Variants in XKR9 observed in about 807,000 individuals in gnomAD.
XKR9 encodes the protein XK-related protein 9.
XKR9 carries 32 observed loss-of-function variants against 32.0 expected under a neutral mutation model. That is an observed-to-expected ratio of 1.00 (90% CI 0.76 to 1.34). The LOEUF is 1.34. Among genes scored for constraint, XKR9 ranks in the 40% most tolerant of loss-of-function variants. XKR9 has a pLI of 0.00. For missense variants in XKR9, 546 were observed against 429.7 expected, an observed-to-expected ratio of 1.27 and a Z score of -2.39; for synonymous variants, 168 against 143.4, an observed-to-expected ratio of 1.17 and a Z score of -1.22.
In XKR9 at chr8:70,669,553, C is replaced by A. The variant is rs985499815; in HGVS notation, c.-361+15C>A. On this transcript the variant is annotated intron_variant, in intron 1 of 4. Coordinates refer to ENST00000408926, the MANE Select transcript of XKR9 (RefSeq NM_001011720.2). ...TTGGGAGACAGGTTTGGTAACCGTT[C>A]GTTATTCAGTAATAAATGTCAGGAA... 1 of 192,554 alleles carries A rather than the reference C, an allele frequency of 5.2e-6. No individual in the cohort carries two copies. The highest frequency in any genetic ancestry group is 1.1e-5 in the Non-Finnish European group (1 of 94,500). 11.9% of individuals were successfully genotyped at this position (192,554 alleles called of 1,614,324 possible).
chr8:70,978,076 C>T, the XKR9 span, among the ~76,000 whole-genome samples: 3 of 151,958 alleles, frequency 2.0e-5, no homozygotes, highest in South Asian at 4.2e-4. Flanking sequence ...TTTTTGCTTT[C>T]CATTTGCTTG....
chr8:70,852,136 T>C, the XKR9 span, among the ~76,000 whole-genome samples: 4 of 152,178 alleles, frequency 2.6e-5, no homozygotes, highest in South Asian at 2.1e-4. Flanking sequence ...TATGAACAGA[T>C]ACTTTTCAAA....
chr8:70,972,281 A>G, the XKR9 span, among the ~76,000 whole-genome samples: 1 of 152,122 alleles, frequency 6.6e-6, no homozygotes, highest in Non-Finnish European at 1.5e-5. Context: ...CTGTTGGTGT[A>G]TAGCAGAGCT....
At chr8:70,925,772 T>C in the XKR9 span, among the ~76,000 whole-genome samples, 1 of 152,148 alleles carries the variant, frequency 6.6e-6, no homozygotes, top group East Asian at 1.9e-4. Context: ...CCAGAAGAGG[T>C]ATTTGTGATA....
At chr8:70,697,667 C>A (rs1319309050) in intron 3 of XKR9, among the ~76,000 whole-genome samples, 16,920 of 145,638 alleles carry the variant, frequency 0.12, 1,389 homozygotes, top group African/African-American at 0.23. Flanking sequence ...TGTCTCTGCC[C>A]GGCTTTGGTA....
At chr8:70,788,057 T>C (rs1441160144) in intron 2 of XKR9, among the ~76,000 whole-genome samples, 1 of 152,114 alleles carries the variant, frequency 6.6e-6, no homozygotes, top group Non-Finnish European at 1.5e-5. Flanking sequence ...CAATGATAAA[T>C]AACTTAATTA....
At chr8:70,761,635 A>G (rs1473067404) in intron 2 of XKR9, among the ~76,000 whole-genome samples, 1 of 151,598 alleles carries the variant, frequency 6.6e-6, no homozygotes, top group Non-Finnish European at 1.5e-5. Context: ...ATTTTCTTTC[A>G]TTCTGTAAGC....
intron 2 of XKR9, among the ~76,000 whole-genome samples, chr8:70,742,934 A>G (rs1318336882): frequency 6.6e-6 from 1 of 151,822 alleles, no homozygotes; most frequent in Non-Finnish European, 1.5e-5. Flanking sequence ...GGATTCTCCA[A>G]GTTTCTTGAA....
chr8:70,756,601 G>A (rs921795861), intron 2 of XKR9, among the ~76,000 whole-genome samples: 2 of 152,104 alleles, frequency 1.3e-5, no homozygotes, highest in Non-Finnish European at 2.9e-5. Context: ...ATTACTAAGT[G>A]TTATATCCTT....
chr8:70,783,627 G>T (rs913426226), intron 2 of XKR9, among the ~76,000 whole-genome samples: 2 of 152,078 alleles, frequency 1.3e-5, no homozygotes, highest in Non-Finnish European at 2.9e-5. Context: ...TGGATATATG[G>T]ATTGCAAATA....
chr8:70,906,082 C>T, the XKR9 span, among the ~76,000 whole-genome samples: 40 of 152,308 alleles, frequency 2.6e-4, no homozygotes, highest in Admixed American at 7.8e-4. Flanking sequence ...GGTCAGGGAC[C>T]CACTTGAGAA....
the XKR9 span, among the ~76,000 whole-genome samples, chr8:70,849,467 T>A: frequency 1.3e-5 from 2 of 152,232 alleles, no homozygotes; most frequent in Non-Finnish European, 2.9e-5. Context: ...GCTATCGCAG[T>A]GTTTAGAGTG....
the XKR9 span, among the ~76,000 whole-genome samples, chr8:70,839,673 TTA>T: frequency 2.6e-5 from 4 of 152,122 alleles, no homozygotes; most frequent in Admixed American, 6.6e-5. Context: ...GAAGAGAATT[TTA>T]TGTTTGTCTA....
chr8:70,852,324 C>T, the XKR9 span, among the ~76,000 whole-genome samples: 2 of 152,182 alleles, frequency 1.3e-5, no homozygotes, highest in Admixed American at 6.5e-5. Flanking sequence ...TGCTTTCACA[C>T]TGTTGGTAGG....
chr8:70,881,257 A>G, the XKR9 span, among the ~76,000 whole-genome samples: 2 of 152,226 alleles, frequency 1.3e-5, no homozygotes, highest in Non-Finnish European at 2.9e-5. Context: ...ACAAAAGCCA[A>G]AATAGACAAA....
the XKR9 span, among the ~76,000 whole-genome samples, chr8:70,904,386 CTT>C: frequency 6.6e-6 from 1 of 152,236 alleles, no homozygotes; most frequent in African/African-American, 2.4e-5. Context: ...TTCTTTGTCT[CTT>C]TTGATCTTTG....
At chr8:70,834,570 T>C in the XKR9 span, among the ~76,000 whole-genome samples, 2 of 152,174 alleles carry the variant, frequency 1.3e-5, no homozygotes, top group Non-Finnish European at 2.9e-5. Flanking sequence ...TATTCAAAAA[T>C]ATATCTTATT....
At chr8:70,774,532 A>G (rs1017145967) in intron 2 of XKR9, among the ~76,000 whole-genome samples, 7 of 152,214 alleles carry the variant, frequency 4.6e-5, no homozygotes, top group African/African-American at 1.7e-4. Flanking sequence ...TGGAAGCTCT[A>G]TATATTCAAC....
chr8:70,983,789 A>G, the XKR9 span, among the ~76,000 whole-genome samples: 26 of 122,066 alleles, frequency 2.1e-4, no homozygotes, highest in Admixed American at 2.1e-3. Flanking sequence ...CTCAAAATAA[A>G]TAAATAAATA....
Sources: allele counts gnomAD v4.1 joint callset (sites outside exome capture counted in the v4.1 genomes callset), GRCh38; gene constraint gnomAD v4.1.1; transcripts MANE v1.5; gene names NCBI Gene and HGNC (gene_info 2026-07-23, HGNC 2026-07-21).